PDE4D: variants seen among roughly 807,000 people sequenced by gnomAD.
PDE4D encodes 3',5'-cyclic-AMP phosphodiesterase 4D.
Under a neutral mutation model 87.4 loss-of-function variants are expected in PDE4D, and 24 were observed. That is an observed-to-expected ratio of 0.27 (90% confidence interval 0.20 to 0.39). The LOEUF is 0.39. PDE4D is among the 10% of genes least tolerant of loss of function. The pLI, the probability that PDE4D is intolerant of heterozygous loss-of-function variation, is 1.00. For synonymous variants in PDE4D, 384 were observed against 383.2 expected (o/e 1.00, Z -0.02); for missense variants, 714 against 1,041.0 (o/e 0.69, Z 4.32).
At chr5:59,166,003 G>A (rs1020111552) in intron 5 of PDE4D, among the ~76,000 whole-genome samples, 20 of 152,190 alleles carry the variant, frequency 1.3e-4, no homozygotes, top group African/African-American at 4.3e-4. Context: ...TTCAAACCTC[G>A]TCCTCCAGCA....
chr5:59,635,513 C>T (rs1832125388), intron 1 of PDE4D, among the ~76,000 whole-genome samples: 1 of 152,160 alleles, frequency 6.6e-6, no homozygotes, highest in African/African-American at 2.4e-5. Flanking sequence ...AAACCAAATC[C>T]AGCAACGCAT....
chr5:60,032,389 G>T (rs1767336945), intron 2 of PDE4D, among the ~76,000 whole-genome samples: 1 of 152,078 alleles, frequency 6.6e-6, no homozygotes, highest in Non-Finnish European at 1.5e-5. Flanking sequence ...CTTATTTCTG[G>T]ATTACAATGC....
intron 1 of PDE4D, among the ~76,000 whole-genome samples, chr5:60,470,797 C>T (rs1025787606): frequency 6.6e-6 from 1 of 152,044 alleles, no homozygotes; most frequent in Non-Finnish European, 1.5e-5. Context: ...AAAAAAGATT[C>T]CTTTCAAAAT....
At chr5:59,110,972 C>T (rs1252940191) in intron 5 of PDE4D, among the ~76,000 whole-genome samples, 1 of 152,172 alleles carries the variant, frequency 6.6e-6, no homozygotes, top group Admixed American at 6.5e-5. Context: ...CAGACTGCAA[C>T]CTTTAACCAA....
At chr5:60,237,290 G>A (rs957601769) in intron 1 of PDE4D, among the ~76,000 whole-genome samples, 1 of 151,976 alleles carries the variant, frequency 6.6e-6, no homozygotes, top group African/African-American at 2.4e-5. Flanking sequence ...TTATCCCAGA[G>A]AAAAAGAATT....
At chr5:59,090,807 C>CTTTTT (rs61610340) in intron 5 of PDE4D, among the ~76,000 whole-genome samples, 256 of 105,380 alleles carry the variant, frequency 2.4e-3, no homozygotes, top group Non-Finnish European at 3.1e-3. Context: ...TTTTCTTTTT[C>CTTTTT]TTTTTTTTTT....
chr5:59,893,796 C>T, upstream of PDE4D: 2 of 1,331,962 alleles, frequency 1.5e-6, no homozygotes. Flanking sequence ...CGAGAGGGGG[C>T]CCTGCCAGCG....
chr5:59,494,697 T>C (rs2153661749), intron 1 of PDE4D, among the ~76,000 whole-genome samples: 1 of 152,296 alleles, frequency 6.6e-6, no homozygotes, highest in South Asian at 2.1e-4. Flanking sequence ...AATCTTTCTC[T>C]TTCAAAAAAC....
intron 1 of PDE4D, among the ~76,000 whole-genome samples, chr5:59,786,567 C>T (rs1270645523): frequency 1.3e-5 from 2 of 152,194 alleles, no homozygotes; most frequent in African/African-American, 4.8e-5. Flanking sequence ...CTGCTACCTG[C>T]CTGTGGCAGA....
Position 60,336,108 on chromosome 5 carries a change from T to C in PDE4D, c.-89-150421A>G, listed in dbSNP as rs145025683. 2.9e-3 allele frequency among the ~76,000 whole-genome samples: 441 copies of C among 152,304 alleles called. 2 individuals are homozygous for C. The highest frequency in any genetic ancestry group is 9.9e-3 in the African/African-American group (410 of 41,566). On this transcript the variant is annotated intron_variant, in intron 1 of 16. Transcript: ENST00000502484. Reference sequence around the variant, plus strand: ...ACTCCGACCAAACACTGACAACTTATTTCCAAGTAACTGTCCTGCCAAGCT... The same window carrying C: ...ACTCCGACCAAACACTGACAACTTACTTCCAAGTAACTGTCCTGCCAAGCT...
intron 2 of PDE4D, among the ~76,000 whole-genome samples, chr5:60,156,591 A>G (rs1275636157): frequency 6.6e-6 from 1 of 152,206 alleles, no homozygotes; most frequent in African/African-American, 2.4e-5. Context: ...AAAATCAGTT[A>G]AAATATTTAA....
chr5:60,348,482 T>C (rs971113114), intron 1 of PDE4D, among the ~76,000 whole-genome samples: 2 of 152,128 alleles, frequency 1.3e-5, no homozygotes, highest in African/African-American at 2.4e-5. Flanking sequence ...ATGGTCTATA[T>C]ATAAAAGTAT....
chr5:59,000,284 C>A (rs1048740004), intron 6 of PDE4D, among the ~76,000 whole-genome samples: 2 of 152,180 alleles, frequency 1.3e-5, no homozygotes, highest in Non-Finnish European at 2.9e-5. Flanking sequence ...CCTCTGGCTT[C>A]CCTTCCTTCC....
intron 5 of PDE4D, among the ~76,000 whole-genome samples, chr5:59,153,580 A>G (rs1416703368): frequency 6.6e-6 from 1 of 152,122 alleles, no homozygotes; most frequent in African/African-American, 2.4e-5. Context: ...TTGCTCTTAT[A>G]TTGCACCCAA....
At chr5:60,226,511 A>C (rs1370088197) in intron 1 of PDE4D, among the ~76,000 whole-genome samples, 1 of 152,142 alleles carries the variant, frequency 6.6e-6, no homozygotes, top group Non-Finnish European at 1.5e-5. Context: ...ATAGTTTTAT[A>C]AATGTAGAAA....
intron 1 of PDE4D, among the ~76,000 whole-genome samples, chr5:59,318,524 T>C (rs899847037): frequency 2.6e-5 from 4 of 152,144 alleles, no homozygotes; most frequent in African/African-American, 9.7e-5. Flanking sequence ...TAGGGTTAAG[T>C]TGAAATTGTT....
At chr5:59,214,036 A>T (rs1332486191) in intron 2 of PDE4D, among the ~76,000 whole-genome samples, 1 of 66,114 alleles carries the variant, frequency 1.5e-5, no homozygotes, top group Non-Finnish European at 3.2e-5. Context: ...CATACTTCAC[A>T]CACACACACA....
At chr5:59,429,117 T>C (rs891632005) in intron 1 of PDE4D, among the ~76,000 whole-genome samples, 1 of 152,220 alleles carries the variant, frequency 6.6e-6, no homozygotes, top group Non-Finnish European at 1.5e-5. Context: ...GCAGAAAAAT[T>C]AAGGTAATAT....
intron 1 of PDE4D, among the ~76,000 whole-genome samples, chr5:59,355,952 A>ACCTT (rs1286037178): frequency 1.3e-5 from 2 of 152,288 alleles, no homozygotes; most frequent in African/African-American, 4.8e-5. Flanking sequence ...AATAAGAAAG[A>ACCTT]CCTTATATCC....
Sources: gnomAD v4.1 joint callset for allele counts (sites outside exome capture counted in the v4.1 genomes callset) on GRCh38, gnomAD v4.1.1 for gene constraint, MANE v1.5 for transcripts, NCBI Gene and HGNC (gene_info 2026-07-23, HGNC 2026-07-21) for gene names.